ANKRD44: variants seen among roughly 807,000 people sequenced by gnomAD.
The protein encoded by ANKRD44 is serine/threonine-protein phosphatase 6 regulatory ankyrin repeat subunit B.
In ANKRD44, 35 loss-of-function variants were observed where a neutral mutation model predicts 116.0. The ratio of observed to expected loss-of-function variants is 0.30; its 90% CI spans 0.23 to 0.40. The LOEUF (loss-of-function observed/expected upper bound fraction) is 0.40, where lower values mean the gene tolerates loss of function less well. Ranked by LOEUF, ANKRD44 falls within the 10% of genes least tolerant of loss-of-function variation. The pLI, the probability that ANKRD44 is intolerant of heterozygous loss-of-function variation, is 1.00. For synonymous variants in ANKRD44, 435 were observed against 461.8 expected, an observed-to-expected ratio of 0.94 and a Z score of 0.74; for missense variants, 1,014 against 1,242.6, an observed-to-expected ratio of 0.82 and a Z score of 2.77.
intron 2 of ANKRD44, among the ~76,000 whole-genome samples, chr2:197,149,291 C>A (rs2079581433): frequency 6.6e-6 from 1 of 152,228 alleles, no homozygotes. Flanking sequence ...TATTTGAGAT[C>A]TTGGCCTCAA....
At chr2:197,217,614 C>A (rs975336303) in intron 1 of ANKRD44, among the ~76,000 whole-genome samples, 1 of 152,164 alleles carries the variant, frequency 6.6e-6, no homozygotes, top group Non-Finnish European at 1.5e-5. Flanking sequence ...AATGTCTGGG[C>A]AACAAGTCCA....
intron 1 of ANKRD44, among the ~76,000 whole-genome samples, chr2:197,234,214 A>G (rs2081930457): frequency 1.4e-5 from 2 of 148,046 alleles, no homozygotes; most frequent in African/African-American, 5.0e-5. Context: ...TTTTTTTGAG[A>G]CAGGGACTTA....
intron 16 of ANKRD44, among the ~76,000 whole-genome samples, chr2:197,055,423 T>C (rs1365356382): frequency 6.6e-6 from 1 of 152,210 alleles, no homozygotes. Flanking sequence ...TAATGGTGCC[T>C]TTTAATGGAC....
chr2:197,257,132 A>G (rs748485890), intron 1 of ANKRD44, among the ~76,000 whole-genome samples: 1 of 152,198 alleles, frequency 6.6e-6, no homozygotes, highest in African/African-American at 2.4e-5. Context: ...CAGGTGCCTG[A>G]GCTTAAGCAG....
chr2:197,229,281 A>G (rs958210135), intron 1 of ANKRD44, among the ~76,000 whole-genome samples: 6 of 152,246 alleles, frequency 3.9e-5, no homozygotes, highest in African/African-American at 9.6e-5. Flanking sequence ...TTAAAGTTCT[A>G]TAAGTAATGT....
At chr2:197,025,364 G>A (rs2076571631) in intron 16 of ANKRD44, 97 bp from the exon 17 acceptor site, 1 of 835,210 alleles carries the variant, frequency 1.2e-6, no homozygotes, top group Non-Finnish European at 2.0e-6. Flanking sequence ...GAGAAGTTAT[G>A]CAATTTATCA....
intron 1 of ANKRD44, among the ~76,000 whole-genome samples, chr2:197,268,709 T>C (rs922661087): frequency 2.0e-5 from 3 of 152,132 alleles, no homozygotes; most frequent in Non-Finnish European, 4.4e-5. Flanking sequence ...GGAGGGGGTC[T>C]GTATGTCTGC....
chr2:197,017,359 G>A, intron 17 of ANKRD44, among the ~76,000 whole-genome samples: 1 of 152,084 alleles, frequency 6.6e-6, no homozygotes, highest in East Asian at 1.9e-4. Flanking sequence ...AGTAATAAAT[G>A]CATGGACTTA....
chr2:197,151,820 G>A (rs2079659231), intron 2 of ANKRD44, among the ~76,000 whole-genome samples: 1 of 152,136 alleles, frequency 6.6e-6, no homozygotes, highest in Non-Finnish European at 1.5e-5. Flanking sequence ...GGCAAATAGT[G>A]ATATCCATGA....
intron 16 of ANKRD44, among the ~76,000 whole-genome samples, chr2:197,061,013 T>C (rs778498774): frequency 6.6e-6 from 1 of 152,032 alleles, no homozygotes; most frequent in African/African-American, 2.4e-5. Context: ...GTCTTTGAGA[T>C]ACTGATTTCA....
chr2:197,099,327 T>A (rs2078236362), intron 10 of ANKRD44: 1 of 200,450 alleles, frequency 5.0e-6, no homozygotes, highest in South Asian at 1.7e-4. Flanking sequence ...TTCTGAAATC[T>A]CCCATAGCAC....
chr2:197,186,983 G>C (rs1411049887), intron 2 of ANKRD44, 40 bp downstream of exon 2: 9 of 1,569,956 alleles, frequency 5.7e-6, no homozygotes, highest in Non-Finnish European at 7.9e-6. Flanking sequence ...CCTGCTCCAG[G>C]CTAACAGGGC....
chr2:197,086,757 A>C lies in ANKRD44; in HGVS notation c.1248-9T>G. 6.2e-7 allele frequency: 1 copy of C among 1,613,028 alleles called. No individual in the cohort carries two copies. Among genetic ancestry groups the C allele is most frequent in the Non-Finnish European group, 8.5e-7 (1 of 1,179,360 alleles). ...TTATACATTCCACATTACTAGAAAGACAGGGAAAACATCATTAAGATGGAA... is the reference window on the plus strand; with the variant it reads ...TTATACATTCCACATTACTAGAAAGCCAGGGAAAACATCATTAAGATGGAA... On this transcript the variant is annotated splice_polypyrimidine_tract_variant and intron_variant, in intron 12 of 27. Coordinates refer to ENST00000282272, the MANE Select transcript of ANKRD44 (RefSeq NM_001195144.2).
chr2:197,099,234 T>A (rs546786710), intron 10 of ANKRD44, among the ~76,000 whole-genome samples: 1 of 152,336 alleles, frequency 6.6e-6, no homozygotes, highest in Non-Finnish European at 1.5e-5. Context: ...TTATGATATA[T>A]GATCTTGCAT....
chr2:197,294,215 C>G (rs912055648), intron 1 of ANKRD44, among the ~76,000 whole-genome samples: 1 of 152,154 alleles, frequency 6.6e-6, no homozygotes, highest in Non-Finnish European at 1.5e-5. Context: ...AAGTTGTACA[C>G]TACATTAATT....
At chr2:197,117,336 T>A (rs1181204342) in intron 8 of ANKRD44, among the ~76,000 whole-genome samples, 1 of 152,188 alleles carries the variant, frequency 6.6e-6, no homozygotes, top group Non-Finnish European at 1.5e-5. Flanking sequence ...GCCTCTCAGA[T>A]TCAAGCAATT....
At chr2:197,090,923 T>G (rs2078028722) in intron 10 of ANKRD44, among the ~76,000 whole-genome samples, 1 of 152,212 alleles carries the variant, frequency 6.6e-6, no homozygotes, top group Non-Finnish European at 1.5e-5. Context: ...CCCTTCCTGC[T>G]GAGAGCCACT....
intron 1 of ANKRD44, among the ~76,000 whole-genome samples, chr2:197,285,116 TC>T (rs542642983): frequency 1.8e-4 from 28 of 151,704 alleles, no homozygotes; most frequent in Non-Finnish European, 3.1e-4. Flanking sequence ...TCTACTTGAA[TC>T]CCTCAGCCCA....
chr2:197,243,183 G>T (rs1225081815), intron 1 of ANKRD44, among the ~76,000 whole-genome samples: 3 of 152,046 alleles, frequency 2.0e-5, no homozygotes, highest in African/African-American at 7.2e-5. Context: ...ACAAAACAAA[G>T]TCCACCATTT....
Sources: gnomAD v4.1 joint callset for allele counts (sites outside exome capture counted in the v4.1 genomes callset) on GRCh38, gnomAD v4.1.1 for gene constraint, MANE v1.5 for transcripts, NCBI Gene and HGNC (gene_info 2026-07-23, HGNC 2026-07-21) for gene names.